The following HECW1 variants were observed in gnomAD, a reference collection of about 807,000 sequenced individuals.
HECW1 encodes HECT, C2 and WW domain containing E3 ubiquitin protein ligase 1, also known as E3 ubiquitin-protein ligase HECW1.
Under a neutral mutation model 182.3 loss-of-function variants are expected in HECW1, and 61 were observed. That is an observed-to-expected ratio of 0.33 (90% CI 0.27 to 0.41). The LOEUF (loss-of-function observed/expected upper bound fraction) is 0.41, where lower values mean the gene tolerates loss of function less well. HECW1 is among the 10% of genes least tolerant of loss of function. The pLI is 1.00. For missense variants in HECW1, 1,739 were observed against 2,108.9 expected, an observed-to-expected ratio of 0.82 and a Z score of 3.44; for synonymous variants, 859 against 832.6, an observed-to-expected ratio of 1.03 and a Z score of -0.55.
At chr7:43,138,451 C>A (rs1787803006) in intron 2 of HECW1, among the ~76,000 whole-genome samples, 1 of 152,176 alleles carries the variant, frequency 6.6e-6, no homozygotes, top group Non-Finnish European at 1.5e-5. Flanking sequence ...GGGTGGTTTT[C>A]TTCTGGGAGT....
chr7:43,121,692 C>T (rs1356690289), intron 2 of HECW1: 3 of 152,096 alleles, frequency 2.0e-5, no homozygotes, highest in Admixed American at 2.0e-4. Flanking sequence ...AACCTTACCT[C>T]CTAGCAGAGT....
rs932899437 is a variant in HECW1 at position 43,322,075 on chromosome 7, T to C, written c.460+1333T>C. Among the ~76,000 whole-genome samples, 5 of 152,208 alleles carry C rather than the reference T, an allele frequency of 3.3e-5. 1 individual carries two copies. The South Asian group carries it at 1.0e-3, about 32-fold the overall frequency. Reference sequence around the variant, plus strand: ...TAAAACTCCCAGCAAGAGAATTTCTTTTCTTTTTTTTGAGACGGAGTTTCG... The same window carrying C: ...TAAAACTCCCAGCAAGAGAATTTCTCTTCTTTTTTTTGAGACGGAGTTTCG... On this transcript the variant is annotated intron_variant, in intron 5 of 29. Transcript: ENST00000395891.
At position 43,271,414 on chromosome 7, in the gene HECW1, C is replaced by T. The variant is rs560273221; in HGVS notation, c.27+27482C>T. ...GCATCCAAACAGGAAAAGAAGAAGT[C>T]GAACTCTTTCTTCCCGAATTATATG... On this transcript the variant is annotated intron_variant, in intron 3 of 29. Coordinates refer to ENST00000395891, the MANE Select transcript of HECW1 (RefSeq NM_015052.5). Among the ~76,000 whole-genome samples, 16 of 152,214 alleles carry T rather than the reference C, an allele frequency of 1.1e-4. No individual in the cohort carries two copies. The South Asian group carries it at 1.2e-3, about 12-fold the overall frequency.
At position 43,460,815 on chromosome 7, in the gene HECW1, C is replaced by G. The variant is rs191677185; in HGVS notation, c.2652-2845C>G. On this transcript the variant is annotated intron_variant, in intron 13 of 29. Transcript: ENST00000395891. Reference sequence around the variant, plus strand: ...CAAGTCACTGCATGACCTGCTTCCCCAAACTGCCTCTGTGCTTCGGCAGAG... The same window carrying G: ...CAAGTCACTGCATGACCTGCTTCCCGAAACTGCCTCTGTGCTTCGGCAGAG... 2.6e-3 allele frequency among the ~76,000 whole-genome samples: 390 copies of G among 152,258 alleles called. 1 individual carries two copies. Among genetic ancestry groups the G allele is most frequent in the African/African-American group, 9.1e-3 (380 of 41,558 alleles).
chr7:43,274,051 A>G (rs369021251), intron 3 of HECW1: 104 of 303,698 alleles, frequency 3.4e-4, no homozygotes, highest in African/African-American at 2.1e-3. Context: ...GGGTTTTGCC[A>G]TGTTGACCAG....
chr7:43,419,775 C>T (rs958965614), intron 8 of HECW1, among the ~76,000 whole-genome samples: 6 of 152,106 alleles, frequency 3.9e-5, no homozygotes, highest in African/African-American at 1.4e-4. Flanking sequence ...TTTAATTTCC[C>T]CAGCAAGGCT....
At chr7:43,468,443 C>T (rs2077880045) in intron 15 of HECW1, among the ~76,000 whole-genome samples, 1 of 152,072 alleles carries the variant, frequency 6.6e-6, no homozygotes, top group Non-Finnish European at 1.5e-5. Flanking sequence ...TGGGCCGTGT[C>T]CCAAGCTGCA....
chr7:43,363,024 AT>A (rs1173745000), intron 6 of HECW1, among the ~76,000 whole-genome samples: 1 of 152,166 alleles, frequency 6.6e-6, no homozygotes, highest in Admixed American at 6.5e-5. Context: ...ACTTTTTCTT[AT>A]TTAAATAAAG....
chr7:43,295,391 A>T (rs1805915703), intron 3 of HECW1, among the ~76,000 whole-genome samples: 1 of 152,178 alleles, frequency 6.6e-6, no homozygotes, highest in Non-Finnish European at 1.5e-5. Context: ...TCCCAGCATG[A>T]ATTTTCCCTG....
At position 43,154,799 on chromosome 7, in the gene HECW1, G is replaced by A. The variant is rs575505413; in HGVS notation, c.-32+40408G>A. Among the ~76,000 whole-genome samples the A allele has an allele frequency of 1.8e-3, 274 of 152,280 alleles. 2 individuals are homozygous for A. The highest frequency in any genetic ancestry group is 3.0e-3 in the Non-Finnish European group (202 of 68,008). ...AGGTTCTAAGATGCATTTTTGCAGAGTGATGTTTCTTCCATAGTGAAATAG... is the reference window on the plus strand; with the variant it reads ...AGGTTCTAAGATGCATTTTTGCAGAATGATGTTTCTTCCATAGTGAAATAG... On this transcript the variant is annotated intron_variant, in intron 2 of 29. Transcript: ENST00000395891.
chr7:43,360,672 A>G (rs1815755323), intron 5 of HECW1, among the ~76,000 whole-genome samples: 2 of 152,242 alleles, frequency 1.3e-5, no homozygotes, highest in African/African-American at 4.8e-5. Context: ...TAACTTGGAT[A>G]CAAAAATGTT....
chr7:43,432,759 T>G lies in HECW1; in HGVS notation c.802-5244T>G, dbSNP rs2076593689. Reference sequence around the variant, plus strand: ...CTGCCTAAATTGCTCATTATGCAACTGCTACCAGTTTACATAATTGCCAAT... The same window carrying G: ...CTGCCTAAATTGCTCATTATGCAACGGCTACCAGTTTACATAATTGCCAAT... On this transcript the variant is annotated intron_variant, in intron 8 of 29. Transcript: ENST00000395891. This position sits in a 1 kb window ranked among gnomAD's most constrained non-coding sequence, Gnocchi z 4.1. 6.6e-6 allele frequency among the ~76,000 whole-genome samples: 1 copy of G among 152,260 alleles called. No homozygotes were observed. Among genetic ancestry groups the G allele is most frequent in the East Asian group, 1.9e-4 (1 of 5,204 alleles).
At chr7:43,414,806 C>T (rs1489301309) in intron 8 of HECW1, among the ~76,000 whole-genome samples, 17 of 151,568 alleles carry the variant, frequency 1.1e-4, no homozygotes, top group Admixed American at 4.6e-4. Context: ...GGGATGAAGC[C>T]CACTTGATCA....
At chr7:43,442,700 C>T in intron 10 of HECW1, 71 bp downstream of exon 10, 1 of 1,016,392 alleles carries the variant, frequency 9.8e-7, no homozygotes, top group African/African-American at 1.6e-5. Flanking sequence ...TTCTAAAATA[C>T]AATAACTATG....
chr7:43,148,157 A>G (rs183843953), intron 2 of HECW1, among the ~76,000 whole-genome samples: 109 of 152,362 alleles, frequency 7.2e-4, no homozygotes, highest in Non-Finnish European at 9.7e-4. Flanking sequence ...GGAATGAGCC[A>G]AGGGAGAGGT....
intron 5 of HECW1, among the ~76,000 whole-genome samples, chr7:43,349,283 C>T (rs1194144032): frequency 6.6e-6 from 1 of 152,178 alleles, no homozygotes; most frequent in Non-Finnish European, 1.5e-5. Flanking sequence ...ATCTGCCTGC[C>T]TCGGCCTCCC....
At chr7:43,166,601 A>C (rs1259476486) in intron 2 of HECW1, among the ~76,000 whole-genome samples, 1 of 152,200 alleles carries the variant, frequency 6.6e-6, no homozygotes, top group Non-Finnish European at 1.5e-5. Context: ...TACTAAAAAG[A>C]TGTTTTGTTT....
intron 6 of HECW1, among the ~76,000 whole-genome samples, chr7:43,390,611 A>G (rs957050551): frequency 3.9e-4 from 59 of 151,870 alleles, no homozygotes; most frequent in African/African-American, 1.3e-3. Context: ...AAAGAGATGC[A>G]AGCAGCCAGG....
At chr7:43,222,171 G>C (rs994961720) in intron 2 of HECW1, among the ~76,000 whole-genome samples, 2 of 152,074 alleles carry the variant, frequency 1.3e-5, no homozygotes, top group African/African-American at 4.8e-5. Flanking sequence ...CCCAGGCTTC[G>C]GTACTTAGTA....
Sources: gnomAD v4.1 joint callset for allele counts (sites outside exome capture counted in the v4.1 genomes callset) on GRCh38, gnomAD v4.1.1 for gene constraint, Gnocchi (gnomAD v3.1) non-coding constraint, MANE v1.5 for transcripts, NCBI Gene and HGNC (gene_info 2026-07-23, HGNC 2026-07-21) for gene names.